KPNA5: variants seen among roughly 807,000 people sequenced by gnomAD.
KPNA5 encodes importin subunit alpha-6.
In KPNA5, 46 loss-of-function variants were observed where a neutral mutation model predicts 71.3. That is an observed-to-expected ratio of 0.65 (90% CI 0.51 to 0.83). The LOEUF (loss-of-function observed/expected upper bound fraction) is 0.83. KPNA5 is among the 40% of genes least tolerant of loss of function. The pLI is 0.00. For synonymous variants in KPNA5, 207 were observed against 201.4 expected, an observed-to-expected ratio of 1.03 and a Z score of -0.24; for missense variants, 547 against 628.3, an observed-to-expected ratio of 0.87 and a Z score of 1.38.
intron 8 of KPNA5, 109 bp downstream of exon 8, chr6:116,716,427 CTTTA>C: frequency 1.4e-6 from 1 of 736,618 alleles, no homozygotes; most frequent in Non-Finnish European, 2.3e-6. Context: ...TAATTATTTT[CTTTA>C]TTGACCAATG....
intron 2 of KPNA5, 104 bp from the exon 3 acceptor site, chr6:116,691,951 A>G (rs1777814807): frequency 1.4e-6 from 1 of 731,298 alleles, no homozygotes; most frequent in East Asian, 2.7e-5. Flanking sequence ...AAGTTATAAA[A>G]TTGATAGGTT....
intron 9 of KPNA5, among the ~76,000 whole-genome samples, chr6:116,723,769 G>T (rs1275404683): frequency 2.6e-5 from 4 of 152,108 alleles, no homozygotes. Flanking sequence ...AAATCTAGTG[G>T]TAAAGTAGGT....
In KPNA5 at chr6:116,732,313, T is replaced by C; in HGVS notation, c.1610T>C (p.Phe537Ser). Residue 537 changes from phenylalanine (F) to serine (S), a missense_variant, in exon 14 of 14, where the codon TTT becomes TCT. Physicochemically the swap from Phe to Ser is radical, Grantham distance 155. Coordinates refer to ENST00000368564, the MANE Select transcript of KPNA5 (RefSeq NM_001366306.2). Reference sequence around the variant, plus strand: ...CAGCAGGAAGCACCAATGGATGGATTTCAACTTTAACTTACTGGAGGAAAA... The same window carrying C: ...CAGCAGGAAGCACCAATGGATGGATCTCAACTTTAACTTACTGGAGGAAAA... ...FQQQEAPMDG[F>S]QL is the part of the protein sequence containing the mutation. The C allele has an allele frequency of 1.3e-6, 2 of 1,499,382 alleles. No homozygotes were observed. Among genetic ancestry groups the C allele is most frequent in the Non-Finnish European group, 1.8e-6 (2 of 1,121,208 alleles). The allele number at this position is 1,499,382 out of a possible 1,614,324, so 92.9% of individuals were successfully genotyped here. A position where few individuals can be genotyped will look rare whatever the true frequency, so the allele number is the denominator to read the frequency against.
In KPNA5 at chr6:116,739,708, C is replaced by T. The variant is rs1221662110; in HGVS notation, c.*7385C>T. The T allele has an allele frequency of 2.0e-5, 3 of 152,026 alleles. No individual in the cohort carries two copies. The East Asian group carries it at 5.8e-4, about 29-fold the overall frequency. 9.4% of individuals were successfully genotyped at this position (152,026 alleles called of 1,614,324 possible). On this transcript the variant is annotated 3_prime_UTR_variant, in exon 14 of 14. Transcript: ENST00000368564. ...AATAATGCCGCATATCTACAACTATCTGATCTTTGACAAACCTGAGAAAAA... is the reference window on the plus strand; with the variant it reads ...AATAATGCCGCATATCTACAACTATTTGATCTTTGACAAACCTGAGAAAAA...
rs886594619 is a variant in KPNA5 at position 116,735,375 on chromosome 6, T to C, written c.*3052T>C. On this transcript the variant is annotated 3_prime_UTR_variant, in exon 14 of 14. Coordinates refer to ENST00000368564, the MANE Select transcript of KPNA5 (RefSeq NM_001366306.2). ...TTTGTTATGGTTCTCAATTCAGCAA[T>C]CTACTGGCTGCTTGCGAAACTGTGA... is the stretch of plus-strand genomic sequence containing the variant. 1 of 151,754 alleles carries C rather than the reference T, an allele frequency of 6.6e-6. No homozygotes were observed. The highest frequency in any genetic ancestry group is 1.5e-5 in the Non-Finnish European group (1 of 67,740). 9.4% of individuals were successfully genotyped at this position (151,754 alleles called of 1,614,324 possible). A position where few individuals can be genotyped will look rare whatever the true frequency, so the allele number is the denominator to read the frequency against.
intron 5 of KPNA5, among the ~76,000 whole-genome samples, chr6:116,701,206 CGTGAAAAGTTATTTAT>C (rs1224249317): frequency 6.6e-6 from 1 of 151,868 alleles, no homozygotes; most frequent in Non-Finnish European, 1.5e-5. Context: ...TGTACGTTTA[CGTGAAAAGTTATTTAT>C]GTGAAATATT....
chr6:116,733,696 A>T lies in KPNA5; in HGVS notation c.*1373A>T, dbSNP rs2114515734. 6.6e-6 allele frequency: 1 copy of T among 151,680 alleles called. No homozygotes were observed. The highest frequency in any genetic ancestry group is 1.9e-4 in the East Asian group (1 of 5,176). The allele number at this position is 151,680 out of a possible 1,614,324, so 9.4% of individuals were successfully genotyped here. On this transcript the variant is annotated 3_prime_UTR_variant, in exon 14 of 14. Transcript: ENST00000368564. The stretch of plus-strand genomic sequence containing the variant: ...TATACGTAGGCTATTTATGTGTCCA[A>T]TTGTATACCTAGAATACTTACTTAA...
intron 7 of KPNA5, among the ~76,000 whole-genome samples, chr6:116,713,895 G>A (rs2114459216): frequency 6.6e-6 from 1 of 152,088 alleles, no homozygotes; most frequent in South Asian, 2.1e-4. Context: ...TATAATGTCT[G>A]TTTCCATAGT....
Position 116,736,661 on chromosome 6 carries a change from A to G in KPNA5, c.*4338A>G, listed in dbSNP as rs1002299873. 1 of 151,974 alleles carries G rather than the reference A, an allele frequency of 6.6e-6. No homozygotes were observed. The highest frequency in any genetic ancestry group is 1.5e-5 in the Non-Finnish European group (1 of 67,926). 9.4% of individuals were successfully genotyped at this position (151,974 alleles called of 1,614,324 possible). A position where few individuals can be genotyped will look rare whatever the true frequency, so the allele number is the denominator to read the frequency against. ...TTTATAGTTTTCATCAAATTTGAAAACACAGCAATTATTTAAACATTTTTT... is the reference window on the plus strand; with the variant it reads ...TTTATAGTTTTCATCAAATTTGAAAGCACAGCAATTATTTAAACATTTTTT... On this transcript the variant is annotated 3_prime_UTR_variant, in exon 14 of 14. Coordinates refer to ENST00000368564, the MANE Select transcript of KPNA5 (RefSeq NM_001366306.2).
At chr6:116,702,283 G>C (rs1778260284) in intron 6 of KPNA5, 133 bp downstream of exon 6, 1 of 902,632 alleles carries the variant, frequency 1.1e-6, no homozygotes, top group Non-Finnish European at 1.6e-6. Context: ...GTAGTGTTTT[G>C]GTGTTAAGTT....
intron 6 of KPNA5, among the ~76,000 whole-genome samples, chr6:116,703,133 G>T (rs1349316449): frequency 1.3e-5 from 2 of 151,690 alleles, no homozygotes; most frequent in Admixed American, 6.6e-5. Context: ...TTCAATTGTT[G>T]TACATTTGGA....
intron 2 of KPNA5, among the ~76,000 whole-genome samples, chr6:116,691,581 A>C (rs181960215): frequency 9.8e-5 from 15 of 152,288 alleles, no homozygotes; most frequent in African/African-American, 3.6e-4. Flanking sequence ...CTGCTCCTGA[A>C]TTAATAAGCA....
At chr6:116,700,754 T>C (rs758152592) in intron 5 of KPNA5, among the ~76,000 whole-genome samples, 8 of 152,342 alleles carry the variant, frequency 5.3e-5, no homozygotes, top group Admixed American at 1.3e-4. Context: ...GGTTTTTGGC[T>C]CCTTTTAACA....
chr6:116,702,513 G>C (rs1189079144), intron 6 of KPNA5, among the ~76,000 whole-genome samples: 1 of 152,076 alleles, frequency 6.6e-6, no homozygotes, highest in African/African-American at 2.4e-5. Context: ...CAAAATCCCA[G>C]CTCTGCTAAA....
chr6:116,732,121 T>TATATATATATATATATAC lies in KPNA5; in HGVS notation c.1433-14_1433-13insTATATATATATATATACA, dbSNP rs1554258587. ...ATATATATATATATATATATATATATACTTTGTATAACAGGTCTGGATAAA... is the reference window on the plus strand; with the variant it reads ...ATATATATATATATATATATATATATATATATATATATATATACACTTTGTATAACAGGTCTGGATAAA... On this transcript the variant is annotated splice_polypyrimidine_tract_variant and intron_variant, in intron 13 of 13. Coordinates refer to ENST00000368564, the MANE Select transcript of KPNA5 (RefSeq NM_001366306.2). 1 of 550,838 alleles carries TATATATATATATATATAC rather than the reference T, an allele frequency of 1.8e-6. No individual in the cohort carries two copies. The highest frequency in any genetic ancestry group is 2.5e-5 in the African/African-American group (1 of 39,368). The allele number at this position is 550,838 out of a possible 1,614,324, so 34.1% of individuals were successfully genotyped here.
chr6:116,702,216 A>G (rs1482567605), intron 6 of KPNA5, 66 bp downstream of exon 6: 2 of 1,498,434 alleles, frequency 1.3e-6, no homozygotes, highest in Non-Finnish European at 1.8e-6. Flanking sequence ...TACCATTTGT[A>G]ATTACGATGT....
At chr6:116,694,665 C>T (rs1777951495) in intron 4 of KPNA5, among the ~76,000 whole-genome samples, 1 of 152,072 alleles carries the variant, frequency 6.6e-6, no homozygotes, top group South Asian at 2.1e-4. Flanking sequence ...TCTAGATATA[C>T]AATCAGACAT....
chr6:116,683,896 CTTTTTTTTTTTTTTTT>C (rs140446065), intron 1 of KPNA5, among the ~76,000 whole-genome samples: 17 of 59,538 alleles, frequency 2.9e-4, no homozygotes, highest in South Asian at 8.6e-4. Flanking sequence ...CGTGCCCGGC[CTTTTTTTTTTTTTTTT>C]TTTTTTTTTT....
Position 116,738,801 on chromosome 6 carries a change from C to T in KPNA5, c.*6478C>T, listed in dbSNP as rs1276594809. ...AAAGGCCTTCGACAAAATTCAACAA[C>T]GCTTCATGCTAAAAAACTCTCAATA... On this transcript the variant is annotated 3_prime_UTR_variant, in exon 14 of 14. Transcript: ENST00000368564. 7 of 152,282 alleles carry T rather than the reference C, an allele frequency of 4.6e-5. No homozygotes were observed. The highest frequency in any genetic ancestry group is 2.1e-4 in the South Asian group (1 of 4,826). 9.4% of individuals were successfully genotyped at this position (152,282 alleles called of 1,614,324 possible). A position where few individuals can be genotyped will look rare whatever the true frequency, so the allele number is the denominator to read the frequency against.
Sources: allele counts gnomAD v4.1 joint callset (sites outside exome capture counted in the v4.1 genomes callset), GRCh38; gene constraint gnomAD v4.1.1; transcripts MANE v1.5; gene names NCBI Gene and HGNC (gene_info 2026-07-23, HGNC 2026-07-21).